Variants in TNR observed in about 807,000 individuals in gnomAD.
TNR encodes the protein tenascin-R.
A neutral mutation model predicts 150.4 loss-of-function variants in TNR; 45 were observed. That is an observed-to-expected ratio of 0.30 (90% CI 0.24 to 0.38). TNR has a LOEUF of 0.38. Among genes scored for constraint, TNR ranks in the 10% least tolerant of loss-of-function variants. TNR has a pLI of 1.00. For synonymous variants in TNR, 687 were observed against 678.4 expected, an observed-to-expected ratio of 1.01 and a Z score of -0.20; for missense variants, 1,544 against 1,759.1, an observed-to-expected ratio of 0.88 and a Z score of 2.19.
At chr1:175,586,074 TGATGA>T (rs1056057276) in intron 1 of TNR, among the ~76,000 whole-genome samples, 6 of 152,138 alleles carry the variant, frequency 3.9e-5, no homozygotes, top group African/African-American at 1.4e-4. Context: ...GTGTGTCCTA[TGATGA>T]GATGAGTACG....
At chr1:175,584,527 CA>C in intron 1 of TNR, among the ~76,000 whole-genome samples, 1 of 152,224 alleles carries the variant, frequency 6.6e-6, no homozygotes, top group South Asian at 2.1e-4. Flanking sequence ...TATGGCAACC[CA>C]AGGAAACTAA....
chr1:175,692,781 C>G (rs1304228369), intron 1 of TNR, among the ~76,000 whole-genome samples: 3 of 152,122 alleles, frequency 2.0e-5, no homozygotes, highest in Admixed American at 2.0e-4. Flanking sequence ...TACCTTCCTT[C>G]AAGGTGTGCA....
At chr1:175,414,869 C>CT (rs537940617) in intron 2 of TNR, among the ~76,000 whole-genome samples, 79 of 151,584 alleles carry the variant, frequency 5.2e-4, no homozygotes, top group African/African-American at 1.8e-3. Flanking sequence ...GAGCTTTTTT[C>CT]TTTTCTTTTT....
chr1:175,385,819 A>T (rs1472277125), intron 8 of TNR, among the ~76,000 whole-genome samples: 1 of 152,188 alleles, frequency 6.6e-6, no homozygotes, highest in Non-Finnish European at 1.5e-5. Context: ...CAGTAGAGGT[A>T]GGATGAGAAG....
At chr1:175,542,197 T>C (rs1446229332) in intron 1 of TNR, among the ~76,000 whole-genome samples, 1 of 152,148 alleles carries the variant, frequency 6.6e-6, no homozygotes, top group Non-Finnish European at 1.5e-5. Context: ...ATAAAAGAAT[T>C]CTTCCAACCC....
chr1:175,703,096 G>A (rs549054257), intron 1 of TNR, among the ~76,000 whole-genome samples: 4 of 151,948 alleles, frequency 2.6e-5, no homozygotes, highest in African/African-American at 4.8e-5. Flanking sequence ...ACAAAAATAA[G>A]TATTCTCTGA....
At chr1:175,491,642 C>CTTT (rs60469855) in intron 2 of TNR, among the ~76,000 whole-genome samples, 116 of 85,184 alleles carry the variant, frequency 1.4e-3, no homozygotes, top group East Asian at 2.0e-3. Context: ...CAGGCCCAGA[C>CTTT]TTTTTTTTTT....
At chr1:175,465,518 C>T (rs144008203) in intron 2 of TNR, among the ~76,000 whole-genome samples, 8 of 152,256 alleles carry the variant, frequency 5.3e-5, no homozygotes, top group African/African-American at 1.9e-4. Flanking sequence ...TTGCTTTTCC[C>T]CTGGAGTCAG....
chr1:175,434,487 C>T (rs892983832), intron 2 of TNR, among the ~76,000 whole-genome samples: 1 of 152,186 alleles, frequency 6.6e-6, no homozygotes, highest in Non-Finnish European at 1.5e-5. Flanking sequence ...CTGTGACCTT[C>T]CCGCCATTTG....
intron 1 of TNR, among the ~76,000 whole-genome samples, chr1:175,680,257 G>T (rs1652130829): frequency 6.6e-6 from 1 of 152,204 alleles, no homozygotes; most frequent in African/African-American, 2.4e-5. Context: ...ACAGGGCTTG[G>T]ATTGAACATG....
chr1:175,700,853 A>C (rs1666672226), intron 1 of TNR, among the ~76,000 whole-genome samples: 1 of 151,992 alleles, frequency 6.6e-6, no homozygotes, highest in Non-Finnish European at 1.5e-5. Context: ...TGCATTTTCT[A>C]CTCATTGACA....
chr1:175,691,468 A>G (rs761457218), intron 1 of TNR, among the ~76,000 whole-genome samples: 2 of 152,178 alleles, frequency 1.3e-5, no homozygotes, highest in African/African-American at 2.4e-5. Flanking sequence ...CAAATTCTAG[A>G]TGAGACAACT....
At chr1:175,610,713 A>G (rs1281729068) in intron 1 of TNR, among the ~76,000 whole-genome samples, 1 of 152,178 alleles carries the variant, frequency 6.6e-6, no homozygotes, top group Non-Finnish European at 1.5e-5. Flanking sequence ...CAGTCCCACT[A>G]TTGCAATAGC....
At chr1:175,585,873 G>A (rs1023110313) in intron 1 of TNR, among the ~76,000 whole-genome samples, 1 of 151,732 alleles carries the variant, frequency 6.6e-6, no homozygotes, top group Non-Finnish European at 1.5e-5. Context: ...CCTAACTTTT[G>A]TGATGTCTTG....
intron 16 of TNR, among the ~76,000 whole-genome samples, chr1:175,355,968 A>G (rs541120425): frequency 1.3e-5 from 2 of 152,062 alleles, no homozygotes; most frequent in East Asian, 3.9e-4. Flanking sequence ...TCCACATATT[A>G]CCTATGTCTA....
intron 1 of TNR, among the ~76,000 whole-genome samples, chr1:175,586,966 A>G (rs73050432): frequency 6.6e-6 from 1 of 152,234 alleles, no homozygotes; most frequent in Admixed American, 6.5e-5. Context: ...ACAGCCCATC[A>G]GTATTCTACA....
At chr1:175,734,422 C>G (rs1169406445) in intron 1 of TNR, among the ~76,000 whole-genome samples, 1 of 152,208 alleles carries the variant, frequency 6.6e-6, no homozygotes, top group East Asian at 1.9e-4. Flanking sequence ...CCCCACGTCT[C>G]CACAGCTAGT....
chr1:175,738,564 A>C (rs1237024578), intron 1 of TNR, among the ~76,000 whole-genome samples: 1 of 152,222 alleles, frequency 6.6e-6, no homozygotes, highest in Admixed American at 6.5e-5. Flanking sequence ...ATTTGGAAAA[A>C]TGAGAAAGTT....
intron 1 of TNR, among the ~76,000 whole-genome samples, chr1:175,554,609 T>G (rs1546848): frequency 0.69 from 103,950 of 151,678 alleles, 35,856 homozygotes; most frequent in Admixed American, 0.76. Context: ...GAGCTGGCTG[T>G]GGCAGTGCAG....
Sources: allele counts gnomAD v4.1 joint callset (sites outside exome capture counted in the v4.1 genomes callset), GRCh38; gene constraint gnomAD v4.1.1; transcripts MANE v1.5; gene names NCBI Gene and HGNC (gene_info 2026-07-23, HGNC 2026-07-21).